The following LY75 variants were observed in gnomAD, a reference collection of about 807,000 sequenced individuals.
LY75 encodes lymphocyte antigen 75.
A neutral mutation model predicts 231.7 loss-of-function variants in LY75; 185 were observed. The ratio of observed to expected loss-of-function variants is 0.80; its 90% confidence interval spans 0.71 to 0.90. LY75 has a LOEUF of 0.90. Ranked by LOEUF, LY75 falls within the 40% of genes least tolerant of loss-of-function variation. The pLI is 0.00. For synonymous variants in LY75, 668 were observed against 689.0 expected, an observed-to-expected ratio of 0.97 and a Z score of 0.48; for missense variants, 1,947 against 2,050.2, an observed-to-expected ratio of 0.95 and a Z score of 0.97.
chr2:159,894,334 G>A (rs1685847495), intron 2 of LY75, among the ~76,000 whole-genome samples: 1 of 152,182 alleles, frequency 6.6e-6, no homozygotes, highest in South Asian at 2.1e-4. Flanking sequence ...TGGGGATAGC[G>A]TTCAGTGATC....
intron 34 of LY75, 104 bp downstream of exon 34, chr2:159,806,869 T>C (rs1349277037): frequency 1.4e-6 from 2 of 1,386,814 alleles, no homozygotes; most frequent in East Asian, 4.8e-5. Flanking sequence ...CTTTAAGGAC[T>C]AAATACTTCA....
At chr2:159,806,418 T>C (rs1044331067) in intron 34 of LY75, among the ~76,000 whole-genome samples, 2 of 152,226 alleles carry the variant, frequency 1.3e-5, no homozygotes, top group African/African-American at 4.8e-5. Flanking sequence ...TTAAAAATGT[T>C]ACTGTGAAAA....
intron 22 of LY75, 105 bp from the exon 23 acceptor site, chr2:159,850,245 C>A: frequency 6.6e-7 from 1 of 1,504,154 alleles, no homozygotes. Flanking sequence ...AGTCTTTTAT[C>A]TGTTCCATAA....
chr2:159,817,799 G>A (rs1683165716), intron 29 of LY75, among the ~76,000 whole-genome samples: 1 of 152,146 alleles, frequency 6.6e-6, no homozygotes, highest in Non-Finnish European at 1.5e-5. Context: ...TGTAATCCCA[G>A]CATTTTGGGA....
rs775484673 is a variant in LY75, at chr2:159,805,197, G to A, written c.5016C>T (p.Ile1672=). 1.4e-5 allele frequency: 22 copies of A among 1,613,960 alleles called. No individual in the cohort carries two copies. The African/African-American group carries it at 2.8e-4, about 21-fold the overall frequency. Residue 1672 remains isoleucine, a synonymous_variant, in exon 35 of 35, where the codon ATC becomes ATT. Transcript: ENST00000263636. ...PLGPDYTAIA[I]IVATLSILVL... is the part of the protein sequence containing the mutation. ...CTAAGATACTTAGTGTGGCAACTATGATAGCTATTGCTGTGTAATCAGGGC... is the reference window on the plus strand; with the variant it reads ...CTAAGATACTTAGTGTGGCAACTATAATAGCTATTGCTGTGTAATCAGGGC...
chr2:159,855,314 G>A (rs1484795639), intron 16 of LY75, among the ~76,000 whole-genome samples: 3 of 152,118 alleles, frequency 2.0e-5, no homozygotes, highest in Non-Finnish European at 2.9e-5. Context: ...CCAAAATAAC[G>A]GTCATTGAAA....
At chr2:159,897,601 G>T (rs1050847202) in intron 2 of LY75, among the ~76,000 whole-genome samples, 9 of 152,174 alleles carry the variant, frequency 5.9e-5, no homozygotes, top group African/African-American at 2.2e-4. Flanking sequence ...ATAATGGAAA[G>T]TATGGGAGCA....
In LY75 at chr2:159,875,103, G is replaced by T. The variant is rs1310539405; in HGVS notation, c.1974+341C>A. Among the ~76,000 whole-genome samples, 35 of 150,614 alleles carry T rather than the reference G, an allele frequency of 2.3e-4. No individual in the cohort carries two copies. The Admixed American group carries it at 2.3e-3, about 10-fold the overall frequency. Reference sequence around the variant, plus strand: ...ACACTTTTTTTACATTATTAGGAGTGCTGGAGCTGTTAATTTGACAACAAG... The same window carrying T: ...ACACTTTTTTTACATTATTAGGAGTTCTGGAGCTGTTAATTTGACAACAAG... On this transcript the variant is annotated intron_variant, in intron 12 of 34. Transcript: ENST00000263636.
chr2:159,815,798 CAG>C (rs748065423), intron 30 of LY75, among the ~76,000 whole-genome samples: 10 of 152,160 alleles, frequency 6.6e-5, no homozygotes, highest in African/African-American at 1.4e-4. Context: ...AACTTACAGA[CAG>C]AGTTACTACA....
intron 12 of LY75, among the ~76,000 whole-genome samples, chr2:159,873,232 A>G (rs1464672716): frequency 6.6e-6 from 1 of 152,198 alleles, no homozygotes; most frequent in Non-Finnish European, 1.5e-5. Flanking sequence ...AGGATGAATT[A>G]TATTTGTCCC....
chr2:159,852,257 G>A lies in LY75; in HGVS notation c.2827C>T (p.Pro943Ser), dbSNP rs1411678225. 7 of 1,613,824 alleles carry A rather than the reference G, an allele frequency of 4.3e-6. No individual in the cohort carries two copies. The highest frequency in any genetic ancestry group is 5.9e-6 in the Non-Finnish European group (7 of 1,179,982). ...CATTGCACTTTAGCTGCAGAATCTG[G>A]GCTGTATTTCTCTAACGAAGAAACA... ...YNVSSLEKYS[P>S]DSAAKVQCSE... Residue 943 changes from proline (P) to serine (S), a missense_variant, in exon 21 of 35, where the codon CCA becomes TCA. By Grantham distance (74) the Pro-to-Ser change is moderately conservative (BLOSUM62 -1). Coordinates refer to ENST00000263636, the MANE Select transcript of LY75 (RefSeq NM_002349.4).
chr2:159,822,997 G>A lies in LY75; in HGVS notation c.3959-3077C>T, dbSNP rs534032441. Among the ~76,000 whole-genome samples, 3 of 152,270 alleles carry A rather than the reference G, an allele frequency of 2.0e-5. No individual in the cohort carries two copies. In the South Asian group the frequency reaches 6.2e-4, roughly 32 times the overall value. On this transcript the variant is annotated intron_variant, in intron 28 of 34. Transcript: ENST00000263636. ...AATCCACAAAGATGGGGAGAAACCA[G>A]TGCAAAAAGGCTGAAAATTCCAAAA...
chr2:159,833,129 C>CTTTTTT (rs5835769), intron 27 of LY75, among the ~76,000 whole-genome samples: 13 of 133,980 alleles, frequency 9.7e-5, no homozygotes, highest in African/African-American at 3.4e-4. Context: ...TTCCCCCTTC[C>CTTTTTT]TTTTTTTTTT....
intron 13 of LY75, among the ~76,000 whole-genome samples, chr2:159,865,821 ACTAT>A (rs1684839937): frequency 6.6e-6 from 1 of 151,938 alleles, no homozygotes; most frequent in Admixed American, 6.6e-5. Flanking sequence ...TCCAAGGAAG[ACTAT>A]CTACACAAGC....
Position 159,849,993 on chromosome 2 carries a change from C to G in LY75, c.3137G>C (p.Arg1046Thr). The change falls in exon 23 of 35, where the codon AGA (arginine) becomes ACA (threonine). Residue 1046 changes from arginine to threonine, a missense_variant. Arg to Thr is a moderately conservative substitution (Grantham distance 71). Transcript: ENST00000263636. ...AAAAAAACTTACATTTTCTGGTATT[C>G]TCAGCCTCCCACTAACCAATAATGG... Reference protein sequence around the residue: ...FHPLLVSGRLRIPENFFEEES... With the variant: ...FHPLLVSGRLTIPENFFEEES... 6.2e-7 allele frequency: 1 copy of G among 1,610,576 alleles called. No individual in the cohort carries two copies.
At position 159,875,602 on chromosome 2, in the gene LY75, C is replaced by A; in HGVS notation, c.1816G>T (p.Val606Phe). 6.2e-7 allele frequency: 1 copy of A among 1,614,042 alleles called. No homozygotes were observed. Among genetic ancestry groups the A allele is most frequent in the Non-Finnish European group, 8.5e-7 (1 of 1,179,994 alleles). ...CAGTCCTTCACCTCCCACTTTCCAA[C>A]AGACTTTCCAGTAGACATAGCCACG... ...GCVAMSTGKS[V>F]GKWEVKDCRS... The change falls in exon 12 of 35, where the codon GTT becomes TTT. Residue 606 changes from valine to phenylalanine, a missense_variant. Physicochemically the swap from Val to Phe is conservative, Grantham distance 50 (BLOSUM62 -1). Transcript: ENST00000263636.
In LY75 at chr2:159,828,116, G is replaced by GA. The variant is rs908261108; in HGVS notation, c.3958+3553dup. 1.1e-4 allele frequency among the ~76,000 whole-genome samples: 16 copies of GA among 146,134 alleles called. 1 individual carries two copies. Among genetic ancestry groups the GA allele is most frequent in the African/African-American group, 3.3e-4 (13 of 39,694 alleles). On this transcript the variant is annotated intron_variant, in intron 28 of 34. Transcript: ENST00000263636. ...AACTTAAAGTACAATAAAAAAAGAA[G>GA]AAAAAAAAAGAAAAACACTTTTGTG...
intron 32 of LY75, 75 bp from the exon 33 acceptor site, chr2:159,808,646 A>G: frequency 1.3e-6 from 2 of 1,560,666 alleles, no homozygotes; most frequent in Non-Finnish European, 1.7e-6. Flanking sequence ...TAGCCATTTG[A>G]AAAATACATA....
rs139586661 is a variant in LY75, at chr2:159,833,761, T to C, written c.3841+283A>G. On this transcript the variant is annotated intron_variant, in intron 27 of 34. Coordinates refer to ENST00000263636, the MANE Select transcript of LY75 (RefSeq NM_002349.4). The stretch of plus-strand genomic sequence containing the variant: ...CCCACATGTCATGGGAGGGACCTGG[T>C]GGGAGGTAATTGAATCTTGAGGGTG... Among the ~76,000 whole-genome samples, 1,506 of 152,264 alleles carry C rather than the reference T, an allele frequency of 9.9e-3. 35 individuals carry two copies. The highest frequency in any genetic ancestry group is 0.036 in the East Asian group (186 of 5,188).
Sources: allele counts gnomAD v4.1 joint callset (sites outside exome capture counted in the v4.1 genomes callset), GRCh38; gene constraint gnomAD v4.1.1; transcripts MANE v1.5; gene names NCBI Gene and HGNC (gene_info 2026-07-23, HGNC 2026-07-21).